FAM120B: variants seen among roughly 807,000 people sequenced by gnomAD.
FAM120B encodes family with sequence similarity 120 member B.
FAM120B carries 83 observed loss-of-function variants against 96.3 expected under a neutral mutation model. The observed-to-expected ratio is 0.86, with a 90% CI of 0.72 to 1.03. The LOEUF is 1.03. Among genes scored for constraint, FAM120B ranks in the 50% least tolerant of loss-of-function variants. FAM120B has a pLI of 0.00. For synonymous variants in FAM120B, 407 were observed against 402.7 expected (o/e 1.01, Z -0.13); for missense variants, 1,027 against 1,121.2 (o/e 0.92, Z 1.20).
At chr6:170,310,935 G>A (rs1036612810) in intron 1 of FAM120B, among the ~76,000 whole-genome samples, 45 of 152,178 alleles carry the variant, frequency 3.0e-4, no homozygotes, top group African/African-American at 1.1e-3. Context: ...TCCTGAATGA[G>A]TATTTATGAG....
Position 170,363,943 on chromosome 6 carries a change from G to C in FAM120B, c.2283+5625G>C, listed in dbSNP as rs957972524. The stretch of plus-strand genomic sequence containing the variant: ...AGATGGGGTTTTACCATGTTGGCCA[G>C]ACTGGTCTGGAACTCCTGACCTTCA... On this transcript the variant is annotated intron_variant, in intron 6 of 10. Transcript: ENST00000476287. This position sits in a 1 kb window ranked among gnomAD's most constrained non-coding sequence, Gnocchi z 4.5. 2.6e-5 allele frequency among the ~76,000 whole-genome samples: 4 copies of C among 152,260 alleles called. No homozygotes were observed. The highest frequency in any genetic ancestry group is 9.6e-5 in the African/African-American group (4 of 41,550).
chr6:170,369,375 C>T (rs1011320443), intron 6 of FAM120B, among the ~76,000 whole-genome samples: 2 of 152,162 alleles, frequency 1.3e-5, no homozygotes, highest in African/African-American at 4.8e-5. Context: ...GACTTGGCAG[C>T]AGGGCCCCAC....
chr6:170,389,458 C>T (rs1269209702), intron 7 of FAM120B, among the ~76,000 whole-genome samples: 2 of 152,046 alleles, frequency 1.3e-5, no homozygotes, highest in Non-Finnish European at 2.9e-5. Flanking sequence ...TTAGGTAGGG[C>T]GAGCAGTATC....
chr6:170,317,814 C>G lies in FAM120B; in HGVS notation c.424C>G (p.Arg142Gly). 1.2e-6 allele frequency: 2 copies of G among 1,614,176 alleles called. No individual in the cohort carries two copies. The highest frequency in any genetic ancestry group is 1.1e-5 in the South Asian group (1 of 91,084). The change falls in exon 2 of 11, where the codon CGA becomes GGA. Residue 142 changes from arginine to glycine, a missense_variant. Physicochemically the swap from Arg to Gly is moderately radical, Grantham distance 125. Transcript: ENST00000476287. Reference sequence around the variant, plus strand: ...CCCCTCAGGGCTAGCTGTGTTTACACGATTTGCTCTAAAGACACTGGGCCA... The same window carrying G: ...CCCCTCAGGGCTAGCTGTGTTTACAGGATTTGCTCTAAAGACACTGGGCCA... ...FIPSGLAVFTRFALKTLGQET... is the reference protein window; with the variant it reads ...FIPSGLAVFTGFALKTLGQET...
intron 1 of FAM120B, among the ~76,000 whole-genome samples, chr6:170,296,095 G>C (rs1219734814): frequency 6.6e-6 from 1 of 152,196 alleles, no homozygotes. Context: ...AGCACCGGCG[G>C]GCACGCCTTT....
At chr6:170,308,099 G>C (rs1784390207) in intron 1 of FAM120B, among the ~76,000 whole-genome samples, 1 of 152,092 alleles carries the variant, frequency 6.6e-6, no homozygotes, top group South Asian at 2.1e-4. Flanking sequence ...TTTGGACTTT[G>C]CTGTTAGGAG....
intron 5 of FAM120B, 87 bp downstream of exon 5, chr6:170,348,410 C>A: frequency 8.0e-7 from 1 of 1,250,160 alleles, no homozygotes; most frequent in Non-Finnish European, 1.1e-6. Flanking sequence ...GGCTGGTGTC[C>A]CGGATTGTCT....
chr6:170,376,274 C>G (rs1789505382), intron 6 of FAM120B, among the ~76,000 whole-genome samples: 1 of 152,012 alleles, frequency 6.6e-6, no homozygotes, highest in Admixed American at 6.6e-5. Flanking sequence ...CCAGACAGAT[C>G]TGGAAGTGTG....
rs773071927 is a variant in FAM120B, at chr6:170,388,461, G to A, written c.2458G>A (p.Gly820Ser). Residue 820 changes from glycine to serine, a missense_variant, in exon 7 of 11, where the codon GGT becomes AGT. This residue lies in a region of FAM120B where 142 missense variants were observed against 122.5 expected (regional missense o/e 1.16). Coordinates refer to ENST00000476287, the MANE Select transcript of FAM120B (RefSeq NM_032448.3). ...FHQKYLQSEK[G>S]YAVEVLLEQN... ...TCAGAAGTACTTGCAATCTGAAAAGGGTTATGCTGTGGAGGTTCTTTTAGA... is the reference window on the plus strand; with the variant it reads ...TCAGAAGTACTTGCAATCTGAAAAGAGTTATGCTGTGGAGGTTCTTTTAGA... 6.2e-6 allele frequency: 10 copies of A among 1,614,146 alleles called. No homozygotes were observed. The highest frequency in any genetic ancestry group is 8.5e-6 in the Non-Finnish European group (10 of 1,180,036).
chr6:170,311,513 G>C (rs1019266762), intron 1 of FAM120B, among the ~76,000 whole-genome samples: 1 of 152,222 alleles, frequency 6.6e-6, no homozygotes, highest in African/African-American at 2.4e-5. Flanking sequence ...TTTCCTCCGT[G>C]TTGCTCATGC....
chr6:170,401,904 G>A (rs1016756974), intron 9 of FAM120B, among the ~76,000 whole-genome samples: 2 of 152,156 alleles, frequency 1.3e-5, no homozygotes, highest in African/African-American at 4.8e-5. Context: ...ACAACCCAGG[G>A]CTGCCTCCGC....
chr6:170,303,818 G>A (rs1191737629), upstream of FAM120B, among the ~76,000 whole-genome samples: 1 of 151,456 alleles, frequency 6.6e-6, no homozygotes, highest in Non-Finnish European at 1.5e-5. Context: ...ATCCTTTTTT[G>A]CATATTGTTT....
intron 8 of FAM120B, 146 bp from the exon 9 acceptor site, chr6:170,395,341 A>C (rs1288404240): frequency 4.5e-6 from 3 of 672,198 alleles, no homozygotes; most frequent in Non-Finnish European, 8.0e-6. Context: ...TGCAACCCTT[A>C]AATTTGCGTT....
In FAM120B at chr6:170,323,211, C is replaced by T. The variant is rs758165465; in HGVS notation, c.1867C>T (p.Arg623Cys). The change falls in exon 3 of 11, where the codon CGT (arginine) becomes TGT (cysteine). Residue 623 changes from arginine (R) to cysteine (C), a missense_variant. Physicochemically the swap from Arg to Cys is radical, Grantham distance 180. Transcript: ENST00000476287. ...CTTACCCAGCCAGGCCTTCATTTAC[C>T]GTCCCATTCGACAGCGGGTCTACTC... is the stretch of plus-strand genomic sequence containing the variant. ...QALPSQAFIY[R>C]PIRQRVYSLL... 5.0e-6 allele frequency: 8 copies of T among 1,613,942 alleles called. No homozygotes were observed. Among genetic ancestry groups the T allele is most frequent in the Middle Eastern group, 1.6e-4 (1 of 6,084 alleles).
intron 4 of FAM120B, 133 bp from the exon 5 acceptor site, chr6:170,348,018 C>A: frequency 7.2e-6 from 5 of 695,576 alleles, no homozygotes; most frequent in Admixed American, 3.2e-5. Context: ...CTAATCTGAT[C>A]ATGTTTACTT....
chr6:170,357,875 G>A (rs1344894410), intron 5 of FAM120B, among the ~76,000 whole-genome samples: 1 of 152,232 alleles, frequency 6.6e-6, no homozygotes, highest in Non-Finnish European at 1.5e-5. Context: ...GCCAAGGATG[G>A]TGTGAAGAGG....
At position 170,363,463 on chromosome 6, in the gene FAM120B, A is replaced by T. The variant is rs1788588699; in HGVS notation, c.2283+5145A>T. ...CATCGTCCTCTGCCTTGTACAGCACAGCTTGGCCTGGGGCCTGCTGGGGCG... is the reference window on the plus strand; with the variant it reads ...CATCGTCCTCTGCCTTGTACAGCACTGCTTGGCCTGGGGCCTGCTGGGGCG... On this transcript the variant is annotated intron_variant, in intron 6 of 10. Coordinates refer to ENST00000476287, the MANE Select transcript of FAM120B (RefSeq NM_032448.3). This position sits in a 1 kb window ranked among gnomAD's most constrained non-coding sequence, Gnocchi z 4.5. 6.6e-6 allele frequency among the ~76,000 whole-genome samples: 1 copy of T among 152,232 alleles called. No individual in the cohort carries two copies. The highest frequency in any genetic ancestry group is 2.1e-4 in the South Asian group (1 of 4,832).
At chr6:170,313,778 G>A (rs1188978215) in intron 1 of FAM120B, among the ~76,000 whole-genome samples, 1 of 152,184 alleles carries the variant, frequency 6.6e-6, no homozygotes, top group Admixed American at 6.5e-5. Context: ...ACTTGCCTGA[G>A]TTATGTCTTT....
chr6:170,372,709 C>G (rs923147843), intron 6 of FAM120B, among the ~76,000 whole-genome samples: 2 of 152,154 alleles, frequency 1.3e-5, no homozygotes, highest in Admixed American at 1.3e-4. Flanking sequence ...TTTGGCTCCT[C>G]CTGCCCCTGC....
Sources: gnomAD v4.1 joint callset for allele counts (sites outside exome capture counted in the v4.1 genomes callset) on GRCh38, gnomAD v4.1.1 for gene constraint, gnomAD v4.1.1 regional missense constraint, Gnocchi (gnomAD v3.1) non-coding constraint, MANE v1.5 for transcripts, NCBI Gene and HGNC (gene_info 2026-07-23, HGNC 2026-07-21) for gene names.